Variants in SPMIP2 observed in about 807,000 individuals in gnomAD.
SPMIP2 encodes sperm microtubule inner protein 2.
At chr4:159,052,632 T>TA in the SPMIP2 span, among the ~76,000 whole-genome samples, 3 of 149,324 alleles carry the variant, frequency 2.0e-5, no homozygotes, top group African/African-American at 7.3e-5. Flanking sequence ...TTATTATTAT[T>TA]TTATTATTAT....
chr4:159,021,041 G>A, the SPMIP2 span, among the ~76,000 whole-genome samples: 2 of 152,220 alleles, frequency 1.3e-5, no homozygotes, highest in African/African-American at 2.4e-5. Flanking sequence ...GATTACAGGC[G>A]TGAGCCACCG....
At chr4:159,036,608 T>C in the SPMIP2 span, among the ~76,000 whole-genome samples, 1 of 152,202 alleles carries the variant, frequency 6.6e-6, no homozygotes, top group Non-Finnish European at 1.5e-5. Flanking sequence ...CGACCTGAGA[T>C]AACTAGACAG....
the SPMIP2 span, among the ~76,000 whole-genome samples, chr4:159,002,671 T>C: frequency 1.3e-5 from 2 of 152,222 alleles, no homozygotes. Context: ...ATTGTTTTTG[T>C]ATATGGATAT....
the SPMIP2 span, among the ~76,000 whole-genome samples, chr4:158,918,011 G>A: frequency 2.0e-5 from 3 of 152,110 alleles, no homozygotes; most frequent in Non-Finnish European, 4.4e-5. Flanking sequence ...GAACCATCGT[G>A]CCCGGCCTGA....
At chr4:158,974,469 C>T in the SPMIP2 span, among the ~76,000 whole-genome samples, 6 of 152,008 alleles carry the variant, frequency 3.9e-5, no homozygotes, top group East Asian at 1.9e-4. Context: ...GCCCCCCACC[C>T]GCAACAGGCC....
At chr4:158,924,121 G>T in the SPMIP2 span, among the ~76,000 whole-genome samples, 2 of 152,106 alleles carry the variant, frequency 1.3e-5, no homozygotes, top group African/African-American at 4.8e-5. Flanking sequence ...CAAGAAGAGT[G>T]GCCTTACCAG....
the SPMIP2 span, among the ~76,000 whole-genome samples, chr4:158,995,360 C>T: frequency 6.6e-6 from 1 of 152,106 alleles, no homozygotes; most frequent in African/African-American, 2.4e-5. Flanking sequence ...ATAATTATGC[C>T]TCAAATTATA....
At chr4:159,006,805 A>T in the SPMIP2 span, among the ~76,000 whole-genome samples, 2 of 152,242 alleles carry the variant, frequency 1.3e-5, no homozygotes, top group African/African-American at 4.8e-5. Flanking sequence ...CACAGGTAGG[A>T]CAACCTCAGG....
chr4:158,902,787 G>A, the SPMIP2 span, among the ~76,000 whole-genome samples: 19 of 152,316 alleles, frequency 1.2e-4, no homozygotes, highest in East Asian at 3.5e-3. Context: ...TTTACACTGT[G>A]AGGCTAAACC....
At chr4:159,004,536 C>T in the SPMIP2 span, among the ~76,000 whole-genome samples, 1 of 152,028 alleles carries the variant, frequency 6.6e-6, no homozygotes, top group Non-Finnish European at 1.5e-5. Context: ...GGTAATCTGC[C>T]TGCCTTGACC....
At chr4:159,061,098 T>A in the SPMIP2 span, among the ~76,000 whole-genome samples, 98 of 143,098 alleles carry the variant, frequency 6.8e-4, 1 homozygote, top group African/African-American at 2.5e-3. Flanking sequence ...AAAAAAAATA[T>A]ATATATATAT....
the SPMIP2 span, among the ~76,000 whole-genome samples, chr4:159,078,568 T>C: frequency 6.6e-6 from 1 of 152,144 alleles, no homozygotes; most frequent in Non-Finnish European, 1.5e-5. Context: ...GCTGAATAAA[T>C]TTGAGAGAAC....
At chr4:158,958,057 T>C in the SPMIP2 span, among the ~76,000 whole-genome samples, 1 of 152,168 alleles carries the variant, frequency 6.6e-6, no homozygotes, top group African/African-American at 2.4e-5. Flanking sequence ...ACTGGCATGA[T>C]CAAGGCTCAC....
chr4:159,082,504 G>A, the SPMIP2 span, among the ~76,000 whole-genome samples: 1 of 123,626 alleles, frequency 8.1e-6, no homozygotes, highest in Admixed American at 8.3e-5. Context: ...TTTTGAACCT[G>A]AAAGGCAGAA....
At chr4:158,948,242 TTTTC>T in the SPMIP2 span, among the ~76,000 whole-genome samples, 1 of 152,168 alleles carries the variant, frequency 6.6e-6, no homozygotes, top group Non-Finnish European at 1.5e-5. Flanking sequence ...CTGGACTCCT[TTTTC>T]TTTGTTTTAC....
chr4:159,024,691 T>A, the SPMIP2 span, among the ~76,000 whole-genome samples: 1 of 152,210 alleles, frequency 6.6e-6, no homozygotes, highest in Admixed American at 6.5e-5. Context: ...ACTAATGAAG[T>A]TTATAGGCAG....
chr4:159,045,294 T>C, the SPMIP2 span, among the ~76,000 whole-genome samples: 1 of 152,220 alleles, frequency 6.6e-6, no homozygotes. Context: ...AAGGATTTGA[T>C]TATTTAATCA....
chr4:158,952,515 T>G, the SPMIP2 span, among the ~76,000 whole-genome samples: 23 of 152,220 alleles, frequency 1.5e-4, no homozygotes, highest in African/African-American at 5.6e-4. Context: ...CTTCCCAGTC[T>G]CAAGTGTGTC....
the SPMIP2 span, chr4:158,973,377 A>T: frequency 9.5e-7 from 1 of 1,048,284 alleles, no homozygotes; most frequent in Non-Finnish European, 1.4e-6. Context: ...TGTTATTTTA[A>T]CCGTTGAAAT....
Sources: allele counts gnomAD v4.1 joint callset (sites outside exome capture counted in the v4.1 genomes callset), GRCh38; gene constraint gnomAD v4.1.1; transcripts MANE v1.5; gene names NCBI Gene and HGNC (gene_info 2026-07-23, HGNC 2026-07-21).